Variants in HCN1 observed in about 807,000 individuals in gnomAD.
HCN1 encodes potassium/sodium hyperpolarization-activated cyclic nucleotide-gated channel 1.
Under a neutral mutation model 78.9 loss-of-function variants are expected in HCN1, and 13 were observed. The observed-to-expected ratio is 0.16, with a 90% CI of 0.11 to 0.26. The LOEUF is 0.26. Ranked by LOEUF, HCN1 falls within the 10% of genes least tolerant of loss-of-function variation. The probability of loss-of-function intolerance (pLI) is 1.00; values close to 1 mark genes in which losing one functional copy is unlikely to be tolerated. For missense variants in HCN1, 810 were observed against 1,154.3 expected (o/e 0.70, Z 4.32); for synonymous variants, 552 against 455.5 (o/e 1.21, Z -2.70).
chr5:45,323,504 C>A (rs549640015), intron 5 of HCN1, among the ~76,000 whole-genome samples: 2 of 151,472 alleles, frequency 1.3e-5, no homozygotes, highest in Non-Finnish European at 2.9e-5. Flanking sequence ...TTTTAAAAAC[C>A]TTTATTAATT....
chr5:45,275,844 T>C (rs560598945), intron 6 of HCN1, among the ~76,000 whole-genome samples: 1 of 152,146 alleles, frequency 6.6e-6, no homozygotes, highest in Non-Finnish European at 1.5e-5. Context: ...TTTCTGCTTC[T>C]ATCTGTCTTT....
At chr5:45,508,088 T>A (rs1742343959) in intron 2 of HCN1, among the ~76,000 whole-genome samples, 1 of 151,978 alleles carries the variant, frequency 6.6e-6, no homozygotes, top group African/African-American at 2.4e-5. Context: ...TAAAGGACAA[T>A]AAAAATCAAT....
chr5:45,551,275 G>A (rs1300153078), intron 2 of HCN1, among the ~76,000 whole-genome samples: 8 of 151,500 alleles, frequency 5.3e-5, no homozygotes, highest in East Asian at 1.9e-4. Context: ...AACTAATGAC[G>A]AAAAAAGTGA....
chr5:45,599,230 T>TA (rs1048445965), intron 2 of HCN1, among the ~76,000 whole-genome samples: 2 of 152,038 alleles, frequency 1.3e-5, no homozygotes, highest in South Asian at 2.1e-4. Context: ...TATGCAGCCA[T>TA]AAAAAAGGAT....
chr5:45,271,996 C>G (rs904517199), intron 6 of HCN1, among the ~76,000 whole-genome samples: 1 of 152,084 alleles, frequency 6.6e-6, no homozygotes. Context: ...ATGAAAAACA[C>G]TTAAAATAAT....
intron 6 of HCN1, among the ~76,000 whole-genome samples, chr5:45,269,077 T>G (rs760077593): frequency 6.6e-6 from 1 of 152,198 alleles, no homozygotes; most frequent in Non-Finnish European, 1.5e-5. Context: ...GTGATTCCAT[T>G]TATGTAAAAT....
chr5:45,290,660 G>C (rs1283513622), intron 6 of HCN1, among the ~76,000 whole-genome samples: 2 of 151,976 alleles, frequency 1.3e-5, no homozygotes, highest in Non-Finnish European at 1.5e-5. Flanking sequence ...TCCAAAAGTA[G>C]ATCCAATGCT....
intron 4 of HCN1, among the ~76,000 whole-genome samples, chr5:45,367,232 T>G (rs553048987): frequency 1.2e-4 from 18 of 151,844 alleles, no homozygotes; most frequent in African/African-American, 4.3e-4. Context: ...ATGATTGATT[T>G]CAAAAGAATT....
intron 4 of HCN1, among the ~76,000 whole-genome samples, chr5:45,387,429 G>A (rs896703329): frequency 2.0e-5 from 3 of 151,690 alleles, no homozygotes; most frequent in Non-Finnish European, 4.4e-5. Context: ...AAAATTCAGG[G>A]GAAAACTATT....
intron 2 of HCN1, among the ~76,000 whole-genome samples, chr5:45,548,469 A>G (rs933502444): frequency 6.6e-6 from 1 of 152,056 alleles, no homozygotes; most frequent in African/African-American, 2.4e-5. Context: ...AACTCTCAAT[A>G]AATTAGGTAC....
chr5:45,535,249 T>C (rs1457509169), intron 2 of HCN1, among the ~76,000 whole-genome samples: 2 of 152,178 alleles, frequency 1.3e-5, no homozygotes, highest in Non-Finnish European at 2.9e-5. Flanking sequence ...ATTTATATAA[T>C]GGAAGAGAAC....
At chr5:45,596,517 T>G (rs142148117) in intron 2 of HCN1, among the ~76,000 whole-genome samples, 7 of 152,168 alleles carry the variant, frequency 4.6e-5, no homozygotes, top group Non-Finnish European at 1.0e-4. Context: ...TACATAATCA[T>G]GCACAGGGAG....
intron 4 of HCN1, among the ~76,000 whole-genome samples, chr5:45,366,118 A>G (rs1747229703): frequency 2.0e-5 from 3 of 151,606 alleles, no homozygotes; most frequent in Non-Finnish European, 3.0e-5. Context: ...AATGATGCAA[A>G]TATTTTGAAA....
chr5:45,582,523 G>A (rs1744103698), intron 2 of HCN1, among the ~76,000 whole-genome samples: 1 of 152,102 alleles, frequency 6.6e-6, no homozygotes, highest in South Asian at 2.1e-4. Context: ...TCCTTCTCCT[G>A]CCTGATTGCC....
chr5:45,577,365 T>C (rs937580974), intron 2 of HCN1, among the ~76,000 whole-genome samples: 3 of 152,082 alleles, frequency 2.0e-5, no homozygotes, highest in Non-Finnish European at 2.9e-5. Context: ...TGGTAGGGTA[T>C]GATTTTAATA....
chr5:45,521,650 T>C (rs1742616400), intron 2 of HCN1, among the ~76,000 whole-genome samples: 1 of 152,012 alleles, frequency 6.6e-6, no homozygotes, highest in African/African-American at 2.4e-5. Flanking sequence ...ACCTCTGTTA[T>C]GACCCTATTT....
At chr5:45,406,408 T>C (rs1489192721) in intron 3 of HCN1, among the ~76,000 whole-genome samples, 1 of 152,184 alleles carries the variant, frequency 6.6e-6, no homozygotes, top group Non-Finnish European at 1.5e-5. Context: ...AAGGTACTAT[T>C]ATAACATCAT....
rs531192330 is a variant in HCN1, at chr5:45,414,637, C to A, written c.1012-17927G>T. 2.0e-5 allele frequency among the ~76,000 whole-genome samples: 3 copies of A among 152,152 alleles called. No individual in the cohort carries two copies. The East Asian group carries it at 5.8e-4, about 29-fold the overall frequency. On this transcript the variant is annotated intron_variant, in intron 3 of 7. Transcript: ENST00000303230. Reference sequence around the variant, plus strand: ...TGAACAGTATCTGCTTCTACTGTTACCATTTAAATACTAAATAGTTATCAG... The same window carrying A: ...TGAACAGTATCTGCTTCTACTGTTAACATTTAAATACTAAATAGTTATCAG...
intron 2 of HCN1, among the ~76,000 whole-genome samples, chr5:45,504,507 C>T (rs1199343042): frequency 1.3e-5 from 2 of 152,138 alleles, no homozygotes; most frequent in South Asian, 2.1e-4. Flanking sequence ...TGTTGATGGA[C>T]ATTTGGGTTG....
Sources: gnomAD v4.1 joint callset for allele counts (sites outside exome capture counted in the v4.1 genomes callset) on GRCh38, gnomAD v4.1.1 for gene constraint, MANE v1.5 for transcripts, NCBI Gene and HGNC (gene_info 2026-07-23, HGNC 2026-07-21) for gene names.